The following CELF2 variants were observed in gnomAD, a reference collection of about 807,000 sequenced individuals.
CELF2 encodes CUG triplet repeat RNA-binding protein 2.
Under a neutral mutation model 62.6 loss-of-function variants are expected in CELF2, and 8 were observed. That is an observed-to-expected ratio of 0.13 (90% CI 0.07 to 0.23). The LOEUF (loss-of-function observed/expected upper bound fraction) is 0.23, where lower values mean the gene tolerates loss of function less well. Ranked by LOEUF, CELF2 falls within the 10% of genes least tolerant of loss-of-function variation. CELF2 has a pLI of 1.00. For missense variants in CELF2, 333 were observed against 671.0 expected, an observed-to-expected ratio of 0.50 and a Z score of 5.56; for synonymous variants, 258 against 250.0, an observed-to-expected ratio of 1.03 and a Z score of -0.30.
chr10:10,873,416 G>A (rs2060885495), intron 1 of CELF2, among the ~76,000 whole-genome samples: 1 of 152,048 alleles, frequency 6.6e-6, no homozygotes, highest in Non-Finnish European at 1.5e-5. Context: ...CTATTAATTG[G>A]TTGCCTTTGC....
intron 1 of CELF2, among the ~76,000 whole-genome samples, chr10:10,858,520 C>A (rs778661960): frequency 6.6e-6 from 1 of 152,058 alleles, no homozygotes; most frequent in Non-Finnish European, 1.5e-5. Flanking sequence ...ATCTAAATAC[C>A]CCTTTCCACA....
Position 11,244,757 on chromosome 10 carries a change from T to A in CELF2, c.355-4396T>A, listed in dbSNP as rs1015732432. Among the ~76,000 whole-genome samples, 1 of 152,134 alleles carries A rather than the reference T, an allele frequency of 6.6e-6. No individual in the cohort carries two copies. The highest frequency in any genetic ancestry group is 1.5e-5 in the Non-Finnish European group (1 of 68,006). On this transcript the variant is annotated intron_variant, in intron 3 of 12. Coordinates refer to ENST00000633077, the MANE Select transcript of CELF2 (RefSeq NM_001326342.2). The surrounding 1 kb of genome is among the most constrained non-coding windows in gnomAD (Gnocchi z 4.2). Reference sequence around the variant, plus strand: ...GTTCTTGATCAACAGTAGGGCCTATTTTCTCTTATTCTGTGCCTCCAAATA... The same window carrying A: ...GTTCTTGATCAACAGTAGGGCCTATATTCTCTTATTCTGTGCCTCCAAATA...
the CELF2 span, among the ~76,000 whole-genome samples, chr10:10,621,400 G>T: frequency 2.0e-5 from 3 of 152,100 alleles, no homozygotes; most frequent in Non-Finnish European, 2.9e-5. Flanking sequence ...ATTCCCTATG[G>T]CACATTTGAA....
chr10:10,800,990 G>C (rs1049077192), intron 1 of CELF2, among the ~76,000 whole-genome samples: 2 of 151,946 alleles, frequency 1.3e-5, no homozygotes, highest in African/African-American at 4.8e-5. Context: ...CTCTAAGAAT[G>C]TATATGACTA....
intron 1 of CELF2, among the ~76,000 whole-genome samples, chr10:10,802,247 G>T (rs185709252): frequency 6.6e-6 from 1 of 152,086 alleles, no homozygotes; most frequent in African/African-American, 2.4e-5. Flanking sequence ...CGAGGCAGGC[G>T]GATCATGAGG....
At chr10:11,251,956 C>G (rs947375041) in intron 4 of CELF2, among the ~76,000 whole-genome samples, 1 of 152,200 alleles carries the variant, frequency 6.6e-6, no homozygotes, top group Non-Finnish European at 1.5e-5. Context: ...CAAATCAAAA[C>G]CCCCAAGTCT....
intron 1 of CELF2, among the ~76,000 whole-genome samples, chr10:10,847,037 A>C (rs2059059908): frequency 6.6e-6 from 1 of 152,160 alleles, no homozygotes; most frequent in Non-Finnish European, 1.5e-5. Flanking sequence ...ATTTTGATAG[A>C]GCTAAGCCCA....
intron 1 of CELF2, among the ~76,000 whole-genome samples, chr10:10,809,419 T>C (rs2055605650): frequency 6.6e-6 from 1 of 152,214 alleles, no homozygotes; most frequent in Non-Finnish European, 1.5e-5. Context: ...ATAATATTCT[T>C]TTCCTTAAAC....
rs916676886 is a variant in CELF2, at chr10:11,207,699, A to G, written c.272-9726A>G. 6.6e-6 allele frequency among the ~76,000 whole-genome samples: 1 copy of G among 152,230 alleles called. No homozygotes were observed. Among genetic ancestry groups the G allele is most frequent in the Non-Finnish European group, 1.5e-5 (1 of 68,046 alleles). On this transcript the variant is annotated intron_variant, in intron 2 of 12. Transcript: ENST00000633077. The surrounding 1 kb of genome is among the most constrained non-coding windows in gnomAD (Gnocchi z 4.1). Reference sequence around the variant, plus strand: ...ACATAACTCACATACGGAAGGCCCGATGGCAGCATCGCCCGTCAGCTTCCT... The same window carrying G: ...ACATAACTCACATACGGAAGGCCCGGTGGCAGCATCGCCCGTCAGCTTCCT...
chr10:11,127,031 T>A (rs2058819525), intron 1 of CELF2, among the ~76,000 whole-genome samples: 1 of 152,164 alleles, frequency 6.6e-6, no homozygotes, highest in South Asian at 2.1e-4. Context: ...TTTCTCCTAA[T>A]GCTATCTGTC....
the CELF2 span, among the ~76,000 whole-genome samples, chr10:10,621,541 C>A: frequency 6.6e-6 from 1 of 152,194 alleles, no homozygotes; most frequent in Non-Finnish European, 1.5e-5. Context: ...AGGCTCTACA[C>A]TTTGCTGAAT....
chr10:10,795,422 G>A (rs1328651326), upstream of CELF2, among the ~76,000 whole-genome samples: 3 of 152,084 alleles, frequency 2.0e-5, no homozygotes, highest in Non-Finnish European at 4.4e-5. Flanking sequence ...CTAATTTGGG[G>A]CTGAAGTTTA....
At chr10:11,196,980 AG>A in intron 2 of CELF2, among the ~76,000 whole-genome samples, 1 of 27,838 alleles carries the variant, frequency 3.6e-5, no homozygotes. Flanking sequence ...AAAGAAAGAG[AG>A]AAAGAAAGAA....
the CELF2 span, among the ~76,000 whole-genome samples, chr10:10,660,841 C>G: frequency 1.3e-3 from 199 of 152,222 alleles, 1 homozygote; most frequent in African/African-American, 4.5e-3. Context: ...TTCTGTAATC[C>G]AAAGTAAACT....
chr10:11,088,565 G>A (rs911924069), intron 1 of CELF2, among the ~76,000 whole-genome samples: 5 of 50,626 alleles, frequency 9.9e-5, no homozygotes, highest in Admixed American at 2.8e-4. Flanking sequence ...TAGCAGAGCC[G>A]GATTTCTCAA....
chr10:10,661,581 T>A, the CELF2 span, among the ~76,000 whole-genome samples: 19 of 152,226 alleles, frequency 1.2e-4, no homozygotes, highest in Non-Finnish European at 2.4e-4. Context: ...AACACCTATC[T>A]GCATTTTTAA....
rs1215366425 is a variant in CELF2 at position 11,290,962 on chromosome 10, T to C, written c.976+2410T>C. Among the ~76,000 whole-genome samples, 1 of 152,228 alleles carries C rather than the reference T, an allele frequency of 6.6e-6. No individual in the cohort carries two copies. The highest frequency in any genetic ancestry group is 1.5e-5 in the Non-Finnish European group (1 of 68,040). ...TTGTCTAATTTCCATCAGGGACTTT[T>C]TGAAAGTCACAGAAAATGTGGTTAG... is the stretch of plus-strand genomic sequence containing the variant. On this transcript the variant is annotated intron_variant, in intron 9 of 12. Coordinates refer to ENST00000633077, the MANE Select transcript of CELF2 (RefSeq NM_001326342.2). The surrounding 1 kb of genome is among the most constrained non-coding windows in gnomAD (Gnocchi z 4.3).
chr10:10,467,457 G>A, the CELF2 span, among the ~76,000 whole-genome samples: 87,018 of 151,776 alleles, frequency 0.57, 25,059 homozygotes, highest in Admixed American at 0.65. Flanking sequence ...TCTTTCACTA[G>A]TTCCACATTG....
At chr10:10,564,966 G>A in the CELF2 span, among the ~76,000 whole-genome samples, 1 of 152,312 alleles carries the variant, frequency 6.6e-6, no homozygotes, top group Non-Finnish European at 1.5e-5. Context: ...CATGAGATCA[G>A]GATTTTCACT....
Sources: allele counts gnomAD v4.1 joint callset (sites outside exome capture counted in the v4.1 genomes callset), GRCh38; gene constraint gnomAD v4.1.1; non-coding constraint Gnocchi (gnomAD v3.1); transcripts MANE v1.5; gene names NCBI Gene and HGNC (gene_info 2026-07-23, HGNC 2026-07-21).